Variants in COL6A2 observed in about 807,000 individuals in gnomAD.
COL6A2 encodes the protein collagen alpha-2(VI) chain.
In COL6A2, 90 loss-of-function variants were observed where a neutral mutation model predicts 124.9. That is an observed-to-expected ratio of 0.72 (90% CI 0.61 to 0.86). The LOEUF (loss-of-function observed/expected upper bound fraction) is 0.86, where lower values mean the gene tolerates loss of function less well. Among genes scored for constraint, COL6A2 ranks in the 40% least tolerant of loss-of-function variants. The pLI is 0.00. For synonymous variants in COL6A2, 793 were observed against 618.2 expected (o/e 1.28, Z -4.19); for missense variants, 1,607 against 1,502.5 (o/e 1.07, Z -1.15).
intron 21 of COL6A2, among the ~76,000 whole-genome samples, chr21:46,123,552 AGGATGGGTGATGGAT>A (rs1351485403): frequency 1.4e-5 from 2 of 143,492 alleles, no homozygotes; most frequent in African/African-American, 4.9e-5. Context: ...GATGGATGGG[AGGATGGGTGATGGAT>A]GGATGAGTGA....
Position 46,099,889 on chromosome 21 carries a change from C to CTT in COL6A2, c.-28+1738_-28+1739dup, listed in dbSNP as rs869028897. ...TCTCCACAATGGATAGCAGCACTGT[C>CTT]TTTTTTTTTTTTTTTTTTTTTTTCT... On this transcript the variant is annotated intron_variant, in intron 1 of 27. Coordinates refer to ENST00000300527, the MANE Select transcript of COL6A2 (RefSeq NM_001849.4). Among the ~76,000 whole-genome samples the CTT allele has an allele frequency of 1.8e-3, 161 of 91,812 alleles. 2 individuals carry two copies. The highest frequency in any genetic ancestry group is 4.8e-3 in the African/African-American group (126 of 26,032). The allele number at this position is 91,812 out of a possible 152,430, so 60.2% of individuals were successfully genotyped here. A position where few individuals can be genotyped will look rare whatever the true frequency, so the allele number is the denominator to read the frequency against.
rs1159203050 is a variant in COL6A2, at chr21:46,126,047, G to A, written c.2232G>A (p.Leu744=). Residue 744 remains leucine (L), a synonymous_variant, in exon 26 of 28, where the codon TTG becomes TTA. Coordinates refer to ENST00000300527, the MANE Select transcript of COL6A2 (RefSeq NM_001849.4). ...RHDPRDDDLN[L]RALCDRDVTV... is the part of the protein sequence containing the mutation. Reference sequence around the variant, plus strand: ...ACCCTCGGGACGATGACCTCAACTTGCGGGCGCTGTGCGACCGCGACGTCA... The same window carrying A: ...ACCCTCGGGACGATGACCTCAACTTACGGGCGCTGTGCGACCGCGACGTCA... 2 of 1,612,934 alleles carry A rather than the reference G, an allele frequency of 1.2e-6. No homozygotes were observed. The highest frequency in any genetic ancestry group is 2.7e-5 in the African/African-American group (2 of 74,912).
intron 13 of COL6A2, 74 bp downstream of exon 13, chr21:46,118,750 C>G: frequency 6.7e-7 from 1 of 1,499,282 alleles, no homozygotes; most frequent in Non-Finnish European, 9.1e-7. Context: ...AACAGTCACG[C>G]TGGCCACCAT....
At chr21:46,117,502 G>T (rs752462023) in intron 11 of COL6A2, 49 bp downstream of exon 11, 8 of 1,584,410 alleles carry the variant, frequency 5.0e-6, no homozygotes, top group East Asian at 2.2e-5. Context: ...GGGGGTGTGG[G>T]TGCCTGACCG....
chr21:46,117,846 C>T (rs374998754), intron 11 of COL6A2, 28 bp from the exon 12 acceptor site: 265 of 1,601,014 alleles, frequency 1.7e-4, no homozygotes, highest in Non-Finnish European at 2.1e-4. Flanking sequence ...CGCCGTGTGC[C>T]GAGCTCCACC....
chr21:46,117,035 G>A lies in COL6A2; in HGVS notation c.999+221G>A, dbSNP rs1001397906. ...CATCTAATTCATGGCTGCACATCCCGGCTTGGGGCAGCTCCACAGCTGCAC... is the reference window on the plus strand; with the variant it reads ...CATCTAATTCATGGCTGCACATCCCAGCTTGGGGCAGCTCCACAGCTGCAC... On this transcript the variant is annotated intron_variant, in intron 10 of 27. Coordinates refer to ENST00000300527, the MANE Select transcript of COL6A2 (RefSeq NM_001849.4). Among the ~76,000 whole-genome samples the A allele has an allele frequency of 3.7e-4, 57 of 152,126 alleles. 1 individual carries two copies. Among genetic ancestry groups the A allele is most frequent in the African/African-American group, 8.7e-4 (36 of 41,478 alleles).
At chr21:46,113,884 CAG>C (rs1355712326) in intron 4 of COL6A2, 122 bp from the exon 5 acceptor site, 6 of 811,294 alleles carry the variant, frequency 7.4e-6, no homozygotes, top group African/African-American at 1.7e-5. Flanking sequence ...CCCAGGTTCT[CAG>C]GGCATTTCAG....
chr21:46,125,344 A>G (rs377080644), intron 24 of COL6A2, 33 bp downstream of exon 24: 8 of 1,605,948 alleles, frequency 5.0e-6, no homozygotes, highest in South Asian at 3.3e-5. Flanking sequence ...GTCGGGGCCC[A>G]TGCACCGGGT....
rs2078479646 is a variant in COL6A2 at position 46,116,868 on chromosome 21, C to CTCT, written c.999+55_999+57dup. ...ACTGGTCTCACAGAGGCATCCCAGC[C>CTCT]TCTGCAGGGCCCCCAGATCCAGCCT... On this transcript the variant is annotated intron_variant, in intron 10 of 27. Coordinates refer to ENST00000300527, the MANE Select transcript of COL6A2 (RefSeq NM_001849.4). The surrounding 1 kb of genome is among the most constrained non-coding windows in gnomAD (Gnocchi z 4.6). 2 of 1,592,978 alleles carry CTCT rather than the reference C, an allele frequency of 1.3e-6. No individual in the cohort carries two copies. The highest frequency in any genetic ancestry group is 2.7e-5 in the African/African-American group (2 of 74,474).
chr21:46,110,634 T>C (rs544745419), intron 1 of COL6A2, among the ~76,000 whole-genome samples: 11 of 152,106 alleles, frequency 7.2e-5, no homozygotes, highest in Non-Finnish European at 1.3e-4. Flanking sequence ...GTCCCGGTGC[T>C]TGGACACTCC....
At chr21:46,122,427 G>A in intron 19 of COL6A2, 69 bp from the exon 20 acceptor site, 1 of 1,599,226 alleles carries the variant, frequency 6.3e-7, no homozygotes, top group South Asian at 1.1e-5. Flanking sequence ...GCTGCAGAAA[G>A]CTGCCCAGAG....
At chr21:46,100,949 A>G (rs1211259025) in intron 1 of COL6A2, among the ~76,000 whole-genome samples, 4 of 152,056 alleles carry the variant, frequency 2.6e-5, no homozygotes, top group African/African-American at 9.7e-5. Flanking sequence ...TGATTTTTTC[A>G]TTTTTTTGAG....
chr21:46,102,991 G>A (rs190597867), intron 1 of COL6A2, among the ~76,000 whole-genome samples: 1 of 152,050 alleles, frequency 6.6e-6, no homozygotes, highest in African/African-American at 2.4e-5. Context: ...ATTTTGGGAG[G>A]GTTTGGTGTT....
rs1044598 is a variant in COL6A2 at position 46,129,715 on chromosome 21, T to A, written c.2462-2239T>A. The A allele has an allele frequency of 0.47, 657,361 of 1,403,018 alleles. 157,599 individuals carry two copies. The highest frequency in any genetic ancestry group is 0.59 in the Admixed American group (19,565 of 33,140). 86.9% of individuals were successfully genotyped at this position (1,403,018 alleles called of 1,614,324 possible). A position where few individuals can be genotyped will look rare whatever the true frequency, so the allele number is the denominator to read the frequency against. On this transcript the variant is annotated intron_variant, in intron 27 of 27. Transcript: ENST00000300527. Reference sequence around the variant, plus strand: ...TCTTCCAGTCTCTCCTCCGTCTTCCTGTGGCCGCTCTCTTTATAAGAACCC... The same window carrying A: ...TCTTCCAGTCTCTCCTCCGTCTTCCAGTGGCCGCTCTCTTTATAAGAACCC...
Position 46,126,069 on chromosome 21 carries a change from G to C in COL6A2, c.2254G>C (p.Val752Leu). 1 of 1,612,978 alleles carries C rather than the reference G, an allele frequency of 6.2e-7. No homozygotes were observed. Among genetic ancestry groups the C allele is most frequent in the Non-Finnish European group, 8.5e-7 (1 of 1,180,006 alleles). ...CTTGCGGGCGCTGTGCGACCGCGAC[G>C]TCACAGTGACGGCCATCGGCATCGG... ...LNLRALCDRD[V>L]TVTAIGIGDM... Residue 752 changes from valine to leucine, a missense_variant, in exon 26 of 28, where the codon GTC becomes CTC. Physicochemically the swap from Val to Leu is conservative, Grantham distance 32. Transcript: ENST00000300527.
chr21:46,131,315 G>A (rs1187626517), intron 27 of COL6A2, among the ~76,000 whole-genome samples: 1 of 152,220 alleles, frequency 6.6e-6, no homozygotes, highest in African/African-American at 2.4e-5. Flanking sequence ...CCGATGCCCA[G>A]GGCTGGTGAC....
At chr21:46,127,929 G>A (rs909437764) in intron 27 of COL6A2, among the ~76,000 whole-genome samples, 5 of 152,354 alleles carry the variant, frequency 3.3e-5, no homozygotes, top group South Asian at 4.1e-4. Flanking sequence ...CTGCGTGCCC[G>A]GGATAAACCC....
At chr21:46,098,312 G>C (rs922231979) in intron 1 of COL6A2, 139 bp downstream of exon 1, 2 of 152,170 alleles carry the variant, frequency 1.3e-5, no homozygotes, top group African/African-American at 2.4e-5. Flanking sequence ...ACGGCGGGGG[G>C]CTCGGCGGGT....
At position 46,125,531 on chromosome 21, in the gene COL6A2, A is replaced by C. The variant is rs1490189691; in HGVS notation, c.1883A>C (p.Tyr628Ser). ...FVIDSSESIG[Y>S]TNFTLEKNFV... ...ATCGACAGCTCCGAGAGCATTGGGT[A>C]CACCAACTTCACACTGGAGAAGAAC... The change falls in exon 25 of 28, where the codon TAC (tyrosine) becomes TCC (serine). Residue 628 changes from tyrosine to serine, a missense_variant. Tyr to Ser is a moderately radical substitution (Grantham distance 144, BLOSUM62 -2). Around this residue, in one of 3 missense-constraint regions of COL6A2, gnomAD observed 1,223 missense variants for 1,052.2 expected, o/e 1.16. Transcript: ENST00000300527. The C allele has an allele frequency of 6.2e-7, 1 of 1,612,944 alleles. No individual in the cohort carries two copies. Among genetic ancestry groups the C allele is most frequent in the Non-Finnish European group, 8.5e-7 (1 of 1,179,970 alleles).
Sources: allele counts gnomAD v4.1 joint callset (sites outside exome capture counted in the v4.1 genomes callset), GRCh38; gene constraint gnomAD v4.1.1; regional missense constraint gnomAD v4.1.1; non-coding constraint Gnocchi (gnomAD v3.1); transcripts MANE v1.5; gene names NCBI Gene and HGNC (gene_info 2026-07-23, HGNC 2026-07-21).